ARHGAP24: variants seen among roughly 807,000 people sequenced by gnomAD.
ARHGAP24 encodes rho GTPase-activating protein 24.
ARHGAP24 carries 50 observed loss-of-function variants against 76.4 expected under a neutral mutation model. The observed-to-expected ratio is 0.65, with a 90% CI of 0.52 to 0.83. The LOEUF (loss-of-function observed/expected upper bound fraction) is 0.83, where lower values mean the gene tolerates loss of function less well. ARHGAP24 is among the 40% of genes least tolerant of loss of function. The probability of loss-of-function intolerance (pLI) is 0.00; values close to 1 mark genes in which losing one functional copy is unlikely to be tolerated. For synonymous variants in ARHGAP24, 345 were observed against 323.3 expected (o/e 1.07, Z -0.72); for missense variants, 930 against 914.2 (o/e 1.02, Z -0.22).
At chr4:85,746,832 T>C (rs1313125051) in intron 3 of ARHGAP24, among the ~76,000 whole-genome samples, 2 of 151,996 alleles carry the variant, frequency 1.3e-5, no homozygotes, top group East Asian at 3.9e-4. Context: ...TTTTTGTATT[T>C]TTAGTAGAGA....
intron 3 of ARHGAP24, among the ~76,000 whole-genome samples, chr4:85,749,682 C>T (rs1726184176): frequency 6.6e-6 from 1 of 152,196 alleles, no homozygotes; most frequent in South Asian, 2.1e-4. Flanking sequence ...TCTCCTGCCT[C>T]AGCCCCCTGA....
intron 3 of ARHGAP24, among the ~76,000 whole-genome samples, chr4:85,724,204 A>T (rs1725069495): frequency 1.3e-5 from 2 of 152,174 alleles, no homozygotes; most frequent in Admixed American, 1.3e-4. Flanking sequence ...TTCAATTGCC[A>T]CTTCTGAAAA....
At chr4:85,811,902 G>A (rs937314922) in intron 3 of ARHGAP24, among the ~76,000 whole-genome samples, 8 of 152,242 alleles carry the variant, frequency 5.3e-5, no homozygotes, top group East Asian at 1.9e-4. Context: ...TTGGCTGGGC[G>A]TGGTAGCTCA....
intron 3 of ARHGAP24, among the ~76,000 whole-genome samples, chr4:85,775,340 C>T (rs1202872391): frequency 6.6e-6 from 1 of 152,084 alleles, no homozygotes; most frequent in Non-Finnish European, 1.5e-5. Context: ...AGTCCATTTT[C>T]ATGCTGCTGA....
chr4:85,556,951 G>T (rs12510597), intron 1 of ARHGAP24, among the ~76,000 whole-genome samples: 38,759 of 152,156 alleles, frequency 0.25, 6,347 homozygotes, highest in East Asian at 0.79. Flanking sequence ...AGTAGCAGAG[G>T]TGGAGACCTA....
At chr4:85,553,378 C>T (rs1726223660) in intron 1 of ARHGAP24, among the ~76,000 whole-genome samples, 1 of 152,152 alleles carries the variant, frequency 6.6e-6, no homozygotes, top group Admixed American at 6.5e-5. Flanking sequence ...GTCCATTTTA[C>T]AGAGAGCTGA....
chr4:85,484,614 G>A (rs924731991), intron 1 of ARHGAP24, among the ~76,000 whole-genome samples: 1 of 152,178 alleles, frequency 6.6e-6, no homozygotes, highest in South Asian at 2.1e-4. Context: ...GTTATTTACT[G>A]TTTTTGTTTA....
At chr4:85,527,883 C>T (rs1223408143) in intron 1 of ARHGAP24, among the ~76,000 whole-genome samples, 1 of 152,054 alleles carries the variant, frequency 6.6e-6, no homozygotes, top group African/African-American at 2.4e-5. Context: ...GCATTGATAA[C>T]AAACAATTAA....
At chr4:85,564,949 T>C (rs1250180630) in intron 1 of ARHGAP24, among the ~76,000 whole-genome samples, 3 of 106,318 alleles carry the variant, frequency 2.8e-5, no homozygotes, top group Non-Finnish European at 5.5e-5. Flanking sequence ...TATATATATA[T>C]ATATATATAT....
intron 3 of ARHGAP24, among the ~76,000 whole-genome samples, chr4:85,787,513 G>A (rs932322008): frequency 2.0e-5 from 3 of 151,972 alleles, no homozygotes; most frequent in Non-Finnish European, 2.9e-5. Flanking sequence ...TAAGAAAAGG[G>A]ATAATTCAAA....
At chr4:85,686,054 G>T (rs1472749207) in intron 2 of ARHGAP24, among the ~76,000 whole-genome samples, 2 of 152,224 alleles carry the variant, frequency 1.3e-5, no homozygotes, top group East Asian at 3.8e-4. Context: ...CATGATGGTT[G>T]TCTAGCATGG....
At chr4:85,641,581 A>G (rs966647346) in intron 2 of ARHGAP24, among the ~76,000 whole-genome samples, 7 of 152,154 alleles carry the variant, frequency 4.6e-5, no homozygotes, top group Non-Finnish European at 8.8e-5. Flanking sequence ...TTCCTCTAGA[A>G]TCATCCTGGA....
At chr4:85,856,960 A>C (rs1731611696) in intron 3 of ARHGAP24, among the ~76,000 whole-genome samples, 1 of 152,312 alleles carries the variant, frequency 6.6e-6, no homozygotes, top group South Asian at 2.1e-4. Context: ...ACATATCATA[A>C]ACATCTCGTG....
At chr4:85,503,105 C>T (rs1723892403) in intron 1 of ARHGAP24, among the ~76,000 whole-genome samples, 1 of 152,192 alleles carries the variant, frequency 6.6e-6, no homozygotes, top group South Asian at 2.1e-4. Flanking sequence ...TGATGTTCTG[C>T]TGGATTCAGT....
At chr4:85,508,489 T>G (rs1724148314) in intron 1 of ARHGAP24, among the ~76,000 whole-genome samples, 1 of 152,198 alleles carries the variant, frequency 6.6e-6, no homozygotes, top group Non-Finnish European at 1.5e-5. Flanking sequence ...CCTAAGCATT[T>G]GACCTAAGGC....
Position 85,624,209 on chromosome 4 carries a change from A to C in ARHGAP24, c.180+53488A>C, listed in dbSNP as rs1720835140. ...CCAGTTTTTGCCCATTCAGTATGAT[A>C]TTGGCTGTGGGTTTGTCATAGATAG... On this transcript the variant is annotated intron_variant, in intron 2 of 9. Coordinates refer to ENST00000395184, the MANE Select transcript of ARHGAP24 (RefSeq NM_001025616.3). Among the ~76,000 whole-genome samples, 3 of 152,110 alleles carry C rather than the reference A, an allele frequency of 2.0e-5. No individual in the cohort carries two copies. In the South Asian group the frequency reaches 6.2e-4, roughly 32 times the overall value.
At chr4:85,881,362 G>A (rs2148768617) in intron 3 of ARHGAP24, among the ~76,000 whole-genome samples, 1 of 152,202 alleles carries the variant, frequency 6.6e-6, no homozygotes, top group East Asian at 1.9e-4. Context: ...TACTGTATGT[G>A]TGTAATTTAT....
intron 3 of ARHGAP24, among the ~76,000 whole-genome samples, chr4:85,872,902 A>C (rs1040586462): frequency 2.0e-5 from 3 of 152,078 alleles, no homozygotes; most frequent in Non-Finnish European, 4.4e-5. Context: ...GCACCTAGCA[A>C]AACATTTCTT....
intron 1 of ARHGAP24, among the ~76,000 whole-genome samples, chr4:85,556,599 C>T (rs1454916932): frequency 6.6e-6 from 1 of 152,210 alleles, no homozygotes; most frequent in African/African-American, 2.4e-5. Context: ...GCAGAGCCAC[C>T]ACTGACTAAA....
Sources: allele counts gnomAD v4.1 joint callset (sites outside exome capture counted in the v4.1 genomes callset), GRCh38; gene constraint gnomAD v4.1.1; transcripts MANE v1.5; gene names NCBI Gene and HGNC (gene_info 2026-07-23, HGNC 2026-07-21).